The following GATB variants were observed in gnomAD, a reference collection of about 807,000 sequenced individuals.
GATB encodes glutamyl-tRNA(Gln) amidotransferase subunit B, mitochondrial.
Under a neutral mutation model 62.3 loss-of-function variants are expected in GATB, and 39 were observed. That is an observed-to-expected ratio of 0.63 (90% CI 0.48 to 0.82). The LOEUF is 0.82. GATB is among the 40% of genes least tolerant of loss of function. The pLI, the probability that GATB is intolerant of heterozygous loss-of-function variation, is 0.00. For synonymous variants in GATB, 276 were observed against 258.9 expected, an observed-to-expected ratio of 1.07 and a Z score of -0.63; for missense variants, 670 against 684.0, an observed-to-expected ratio of 0.98 and a Z score of 0.23.
At chr4:151,756,956 C>T (rs749821253) in intron 2 of GATB, among the ~76,000 whole-genome samples, 1 of 152,090 alleles carries the variant, frequency 6.6e-6, no homozygotes, top group Non-Finnish European at 1.5e-5. Flanking sequence ...GAACTCAGAG[C>T]TTATGCCTAA....
At chr4:151,707,448 C>A (rs1463737620) in intron 6 of GATB, among the ~76,000 whole-genome samples, 2 of 152,156 alleles carry the variant, frequency 1.3e-5, no homozygotes, top group African/African-American at 4.8e-5. Context: ...TGCTCACCAC[C>A]ATGCCTGGCT....
intron 10 of GATB, among the ~76,000 whole-genome samples, chr4:151,685,092 C>A (rs1380380915): frequency 6.6e-6 from 1 of 152,180 alleles, no homozygotes; most frequent in Non-Finnish European, 1.5e-5. Context: ...TCTTCCAGGA[C>A]TAAAGTTCAG....
intron 9 of GATB, among the ~76,000 whole-genome samples, chr4:151,697,816 C>T (rs956471702): frequency 2.3e-4 from 34 of 148,724 alleles, no homozygotes; most frequent in South Asian, 2.1e-4. Flanking sequence ...AGGAGAATGG[C>T]GTGAACCTGG....
chr4:151,711,363 G>T (rs1300303714), intron 5 of GATB, among the ~76,000 whole-genome samples: 1 of 152,164 alleles, frequency 6.6e-6, no homozygotes, highest in Admixed American at 6.5e-5. Flanking sequence ...TAAACTTCTT[G>T]CCATTCTCTC....
intron 2 of GATB, among the ~76,000 whole-genome samples, chr4:151,750,441 T>A (rs1362877176): frequency 6.6e-6 from 1 of 152,026 alleles, no homozygotes; most frequent in Admixed American, 6.5e-5. Context: ...CCTTCCTTAA[T>A]CTGGAAAAAA....
chr4:151,750,339 T>C (rs1311163208), intron 2 of GATB, among the ~76,000 whole-genome samples: 1 of 152,218 alleles, frequency 6.6e-6, no homozygotes, highest in Admixed American at 6.5e-5. Flanking sequence ...GGTATTTATC[T>C]TCCTATTTTT....
At position 151,748,163 on chromosome 4, in the gene GATB, C is replaced by T. The variant is rs536813092; in HGVS notation, c.327+10609G>A. ...TTCTTCATAGAACTGGAAAAAACTA[C>T]TTTAAAGTTCATATGGAACCAAAAA... On this transcript the variant is annotated intron_variant, in intron 2 of 12. Coordinates refer to ENST00000263985, the MANE Select transcript of GATB (RefSeq NM_004564.3). Among the ~76,000 whole-genome samples, 7 of 152,300 alleles carry T rather than the reference C, an allele frequency of 4.6e-5. No homozygotes were observed. The East Asian group carries it at 1.3e-3, about 29-fold the overall frequency.
At chr4:151,671,598 A>G (rs1248916981) in intron 12 of GATB, among the ~76,000 whole-genome samples, 1 of 152,088 alleles carries the variant, frequency 6.6e-6, no homozygotes, top group Admixed American at 6.5e-5. Context: ...CGACGCCACA[A>G]TGACCGAGGA....
intron 5 of GATB, among the ~76,000 whole-genome samples, chr4:151,713,324 G>A (rs770475536): frequency 7.3e-4 from 111 of 152,126 alleles, no homozygotes; most frequent in Non-Finnish European, 1.3e-3. Context: ...CCCCGCCTTC[G>A]GCCCCCCAAG....
At chr4:151,751,059 C>T (rs1359672804) in intron 2 of GATB, among the ~76,000 whole-genome samples, 1 of 152,004 alleles carries the variant, frequency 6.6e-6, no homozygotes, top group Admixed American at 6.6e-5. Context: ...ATGTCTCCCC[C>T]AGGGAAGCAG....
chr4:151,733,378 A>C (rs1347239808), intron 2 of GATB, among the ~76,000 whole-genome samples: 3 of 152,240 alleles, frequency 2.0e-5, no homozygotes, highest in Non-Finnish European at 4.4e-5. Context: ...GAAGAGATGA[A>C]TAGATTCCTG....
At chr4:151,672,128 G>A (rs955311611) in intron 12 of GATB, among the ~76,000 whole-genome samples, 8 of 152,092 alleles carry the variant, frequency 5.3e-5, no homozygotes, top group African/African-American at 1.4e-4. Context: ...AAAAGATGCC[G>A]ACAATTTTTT....
intron 10 of GATB, 58 bp downstream of exon 10, chr4:151,688,572 C>T: frequency 2.6e-6 from 4 of 1,534,168 alleles, no homozygotes; most frequent in Middle Eastern, 1.7e-4. Context: ...GCCCTATTTC[C>T]AGCACTTCTG....
chr4:151,737,838 A>G (rs981894108), intron 2 of GATB, among the ~76,000 whole-genome samples: 4 of 152,198 alleles, frequency 2.6e-5, no homozygotes, highest in Non-Finnish European at 5.9e-5. Context: ...CGTGGTGTTG[A>G]GCCTGTGGGT....
At chr4:151,680,034 G>T in intron 10 of GATB, 143 bp from the exon 11 acceptor site, 1 of 643,636 alleles carries the variant, frequency 1.6e-6, no homozygotes, top group South Asian at 2.0e-5. Flanking sequence ...GGCCAACTGG[G>T]CTCTCTTTTA....
chr4:151,683,207 G>A (rs1386128507), intron 10 of GATB, among the ~76,000 whole-genome samples: 2 of 145,294 alleles, frequency 1.4e-5, no homozygotes, highest in African/African-American at 2.6e-5. Flanking sequence ...TAACAATAAC[G>A]ATCTAGCACC....
chr4:151,710,870 C>T (rs1039504824), intron 5 of GATB, among the ~76,000 whole-genome samples: 9 of 152,160 alleles, frequency 5.9e-5, no homozygotes, highest in African/African-American at 2.2e-4. Context: ...CTCTCCAGCC[C>T]AGACCTCTCT....
At chr4:151,749,272 A>G (rs1243078889) in intron 2 of GATB, among the ~76,000 whole-genome samples, 2 of 152,214 alleles carry the variant, frequency 1.3e-5, no homozygotes, top group East Asian at 1.9e-4. Flanking sequence ...AATGCCCAAC[A>G]GTGATAGACT....
intron 2 of GATB, among the ~76,000 whole-genome samples, chr4:151,748,649 A>C (rs937616415): frequency 5.3e-5 from 8 of 152,348 alleles, no homozygotes; most frequent in Admixed American, 4.6e-4. Flanking sequence ...AACAAAAGCC[A>C]AAATTGACAA....
Sources: allele counts gnomAD v4.1 joint callset (sites outside exome capture counted in the v4.1 genomes callset), GRCh38; gene constraint gnomAD v4.1.1; transcripts MANE v1.5; gene names NCBI Gene and HGNC (gene_info 2026-07-23, HGNC 2026-07-21).